The following RNF169 variants were observed in gnomAD, a reference collection of about 807,000 sequenced individuals.
RNF169 encodes E3 ubiquitin-protein ligase RNF169.
In RNF169, 24 loss-of-function variants were observed where a neutral mutation model predicts 53.9. That is an observed-to-expected ratio of 0.45 (90% CI 0.32 to 0.63). RNF169 has a LOEUF of 0.63. Among genes scored for constraint, RNF169 ranks in the 20% least tolerant of loss-of-function variants. The probability of loss-of-function intolerance (pLI) is 0.04; values close to 1 mark genes in which losing one functional copy is unlikely to be tolerated. For synonymous variants in RNF169, 396 were observed against 363.5 expected (o/e 1.09, Z -1.02); for missense variants, 883 against 906.2 (o/e 0.97, Z 0.33).
Position 74,817,682 on chromosome 11 carries a change from G to T in RNF169, c.810G>T (p.Lys270Asn), listed in dbSNP as rs372930431. The T allele has an allele frequency of 1.9e-6, 3 of 1,613,000 alleles. No individual in the cohort carries two copies. The highest frequency in any genetic ancestry group is 2.5e-6 in the Non-Finnish European group (3 of 1,179,134). The change falls in exon 4 of 6, where the codon AAG becomes AAT. Residue 270 changes from lysine (K) to asparagine (N), a missense_variant. By Grantham distance (94) the Lys-to-Asn change is moderately conservative. Coordinates refer to ENST00000299563, the MANE Select transcript of RNF169 (RefSeq NM_001098638.2). ...TQTHRSAFVS[K>N]NNSYSLAFLA... ...CACATCGCTCGGCATTTGTTTCCAA[G>T]AACAACTCCTACTCCTTAGCTTTCC...
At chr11:74,772,250 T>A (rs530665827) in intron 1 of RNF169, among the ~76,000 whole-genome samples, 2 of 152,276 alleles carry the variant, frequency 1.3e-5, no homozygotes, top group South Asian at 4.1e-4. Context: ...AATCAGAAAA[T>A]CTGGATTTGA....
chr11:74,822,293 G>A (rs1192534900), intron 4 of RNF169, among the ~76,000 whole-genome samples: 1 of 152,092 alleles, frequency 6.6e-6, no homozygotes, highest in Non-Finnish European at 1.5e-5. Context: ...GCAGTGTTTT[G>A]TAAGCATTAA....
chr11:74,792,782 A>G (rs2035596623), intron 2 of RNF169, among the ~76,000 whole-genome samples: 2 of 152,196 alleles, frequency 1.3e-5, no homozygotes, highest in African/African-American at 2.4e-5. Context: ...GAGGAGAGGT[A>G]TGGGACAGTG....
At chr11:74,779,815 C>A (rs1367774292) in intron 1 of RNF169, among the ~76,000 whole-genome samples, 1 of 151,998 alleles carries the variant, frequency 6.6e-6, no homozygotes, top group Non-Finnish European at 1.5e-5. Context: ...AGTGGTTGTT[C>A]AAGGTTTAGT....
At chr11:74,818,077 C>G (rs2035961853) in intron 4 of RNF169, among the ~76,000 whole-genome samples, 1 of 152,148 alleles carries the variant, frequency 6.6e-6, no homozygotes, top group Admixed American at 6.5e-5. Flanking sequence ...TTTTCAATGC[C>G]TAGACCTAAA....
intron 1 of RNF169, among the ~76,000 whole-genome samples, chr11:74,752,967 A>T (rs913304861): frequency 2.6e-5 from 4 of 152,022 alleles, no homozygotes; most frequent in African/African-American, 9.7e-5. Context: ...TTTATTTATT[A>T]ATTAATTAAT....
At chr11:74,784,574 C>G (rs945164895) in intron 1 of RNF169, among the ~76,000 whole-genome samples, 2 of 152,166 alleles carry the variant, frequency 1.3e-5, no homozygotes, top group African/African-American at 2.4e-5. Flanking sequence ...GTTGTGACAA[C>G]GTATGAAATG....
At chr11:74,828,891 T>C (rs939428792) in intron 4 of RNF169, among the ~76,000 whole-genome samples, 1 of 152,108 alleles carries the variant, frequency 6.6e-6, no homozygotes, top group Non-Finnish European at 1.5e-5. Context: ...ATAAAAACCC[T>C]AGAAGAAAAT....
chr11:74,789,536 A>G, intron 1 of RNF169, 90 bp from the exon 2 acceptor site: 3 of 727,308 alleles, frequency 4.1e-6, no homozygotes, highest in South Asian at 1.7e-5. Context: ...GATTTTTATC[A>G]TCTATTTATA....
At chr11:74,761,878 G>A (rs1340518685) in intron 1 of RNF169, among the ~76,000 whole-genome samples, 1 of 147,032 alleles carries the variant, frequency 6.8e-6, no homozygotes, top group Non-Finnish European at 1.5e-5. Context: ...AAGTTCTCCT[G>A]GATAATATCC....
chr11:74,832,256 C>T (rs1046782442), intron 4 of RNF169: 13 of 151,396 alleles, frequency 8.6e-5, no homozygotes, highest in African/African-American at 1.2e-4. Flanking sequence ...TTCAGCTACA[C>T]TGAAGTTTAG....
intron 2 of RNF169, among the ~76,000 whole-genome samples, chr11:74,804,151 T>C (rs2035772273): frequency 1.3e-5 from 2 of 152,168 alleles, no homozygotes; most frequent in African/African-American, 4.8e-5. Flanking sequence ...ATGTGCATGA[T>C]AGGCGAATTG....
At chr11:74,755,265 G>A (rs1013569243) in intron 1 of RNF169, among the ~76,000 whole-genome samples, 2 of 152,178 alleles carry the variant, frequency 1.3e-5, no homozygotes, top group Non-Finnish European at 2.9e-5. Flanking sequence ...CAACTAAACA[G>A]TAATTACTAT....
chr11:74,819,541 C>T (rs2035981867), intron 4 of RNF169, among the ~76,000 whole-genome samples: 1 of 152,130 alleles, frequency 6.6e-6, no homozygotes, highest in Admixed American at 6.5e-5. Flanking sequence ...TTAGTAAGGG[C>T]TCAGTAAATA....
chr11:74,752,975 A>T (rs746349485), intron 1 of RNF169, among the ~76,000 whole-genome samples: 112 of 152,036 alleles, frequency 7.4e-4, no homozygotes, highest in Non-Finnish European at 1.3e-3. Context: ...TTAATTAATT[A>T]ATTTATTTTT....
Position 74,810,274 on chromosome 11 carries a change from A to G in RNF169, c.667A>G (p.Met223Val), listed in dbSNP as rs2035857057. 1 of 1,613,940 alleles carries G rather than the reference A, an allele frequency of 6.2e-7. No individual in the cohort carries two copies. The highest frequency in any genetic ancestry group is 8.5e-7 in the Non-Finnish European group (1 of 1,179,874). ...GGATACAGAAACAGGGAAAAGGAAA[A>G]TGGATGAACAGAAAAAAAGAGATGA... ...PEDTETGKRKMDEQKKRDEPL... is the reference protein window; with the variant it reads ...PEDTETGKRKVDEQKKRDEPL... The change falls in exon 3 of 6, where the codon ATG becomes GTG. Residue 223 changes from methionine to valine, a missense_variant. Coordinates refer to ENST00000299563, the MANE Select transcript of RNF169 (RefSeq NM_001098638.2).
At chr11:74,767,694 C>T (rs577436464) in intron 1 of RNF169, among the ~76,000 whole-genome samples, 253 of 152,158 alleles carry the variant, frequency 1.7e-3, no homozygotes, top group African/African-American at 5.8e-3. Context: ...CTCAGCCTCC[C>T]GAATAGCTTG....
intron 1 of RNF169, among the ~76,000 whole-genome samples, chr11:74,779,405 A>C (rs1023480313): frequency 2.0e-5 from 3 of 152,176 alleles, no homozygotes; most frequent in South Asian, 4.1e-4. Context: ...GCTCAGTTCA[A>C]CTTTCTTTCT....
At chr11:74,813,746 A>G (rs1021808062) in intron 3 of RNF169, among the ~76,000 whole-genome samples, 1 of 152,154 alleles carries the variant, frequency 6.6e-6, no homozygotes, top group African/African-American at 2.4e-5. Context: ...GGAGTGGTAC[A>G]GTGGCGTGAT....
Sources: gnomAD v4.1 joint callset for allele counts (sites outside exome capture counted in the v4.1 genomes callset) on GRCh38, gnomAD v4.1.1 for gene constraint, MANE v1.5 for transcripts, NCBI Gene and HGNC (gene_info 2026-07-23, HGNC 2026-07-21) for gene names.